ANAPC10: variants seen among roughly 807,000 people sequenced by gnomAD.
ANAPC10 encodes anaphase promoting complex subunit 10.
Under a neutral mutation model 22.0 loss-of-function variants are expected in ANAPC10, and 12 were observed. That is an observed-to-expected ratio of 0.55 (90% CI 0.35 to 0.88). The LOEUF (loss-of-function observed/expected upper bound fraction) is 0.88. ANAPC10 is among the 40% of genes least tolerant of loss of function. The pLI is 0.01. For synonymous variants in ANAPC10, 65 were observed against 69.5 expected, an observed-to-expected ratio of 0.94 and a Z score of 0.32; for missense variants, 188 against 220.9, an observed-to-expected ratio of 0.85 and a Z score of 0.94.
At chr4:145,023,204 C>T (rs950418172) in intron 4 of ANAPC10, among the ~76,000 whole-genome samples, 4 of 151,890 alleles carry the variant, frequency 2.6e-5, no homozygotes, top group African/African-American at 9.7e-5. Context: ...AATATGATTC[C>T]ATCTATGCAA....
chr4:145,044,689 T>C (rs1035094990), intron 4 of ANAPC10, among the ~76,000 whole-genome samples: 63 of 152,242 alleles, frequency 4.1e-4, no homozygotes, highest in African/African-American at 1.4e-3. Flanking sequence ...TGGTGGATCA[T>C]TCAAGTGGTA....
At chr4:145,077,070 G>A (rs1389240547) in intron 3 of ANAPC10, among the ~76,000 whole-genome samples, 1 of 152,144 alleles carries the variant, frequency 6.6e-6, no homozygotes. Flanking sequence ...GTGGTGGCAG[G>A]CACCTGTAGT....
intron 4 of ANAPC10, among the ~76,000 whole-genome samples, chr4:145,023,016 A>G (rs1736180961): frequency 6.6e-6 from 1 of 152,114 alleles, no homozygotes; most frequent in African/African-American, 2.4e-5. Flanking sequence ...AATGCTAGTT[A>G]TAACAGCCAG....
chr4:145,025,343 C>T (rs78163486), intron 4 of ANAPC10, among the ~76,000 whole-genome samples: 6 of 138,764 alleles, frequency 4.3e-5, no homozygotes, highest in South Asian at 2.6e-4. Flanking sequence ...CCCCCCCCCC[C>T]TTTTAAGCTC....
At chr4:145,083,123 G>A (rs1280296155) in intron 2 of ANAPC10, among the ~76,000 whole-genome samples, 4 of 151,842 alleles carry the variant, frequency 2.6e-5, no homozygotes, top group Non-Finnish European at 2.9e-5. Context: ...TTTACCATAC[G>A]AATATTTATT....
chr4:145,044,368 T>A (rs1326191427), intron 4 of ANAPC10, among the ~76,000 whole-genome samples: 1 of 152,108 alleles, frequency 6.6e-6, no homozygotes, highest in Non-Finnish European at 1.5e-5. Flanking sequence ...TTTTAGAGAT[T>A]CAAGAAGGTT....
Position 145,089,559 on chromosome 4 carries a change from G to A in ANAPC10, c.115+6426C>T, listed in dbSNP as rs118122988. Among the ~76,000 whole-genome samples, 18 of 152,252 alleles carry A rather than the reference G, an allele frequency of 1.2e-4. No individual in the cohort carries two copies. In the East Asian group the frequency reaches 3.5e-3, roughly 29 times the overall value. On this transcript the variant is annotated intron_variant, in intron 2 of 4. Coordinates refer to ENST00000507656, the MANE Select transcript of ANAPC10 (RefSeq NM_001256706.2). ...TTTTGTTTTTCCAGTCTCTTAGGTA[G>A]AGACTAACAATTGTGCTGAATTGTA...
intron 2 of ANAPC10, among the ~76,000 whole-genome samples, chr4:145,082,823 GA>G: frequency 6.6e-6 from 1 of 152,192 alleles, no homozygotes; most frequent in East Asian, 1.9e-4. Flanking sequence ...TTTAATAAGA[GA>G]AATAAGTTTA....
chr4:145,037,946 C>CA (rs36071811), intron 4 of ANAPC10, among the ~76,000 whole-genome samples: 22,823 of 71,432 alleles, frequency 0.32, 3,007 homozygotes, highest in East Asian at 0.56. Flanking sequence ...AACCCTGTCT[C>CA]AAAAAAAAAA....
chr4:145,025,067 T>C (rs1736462997), intron 4 of ANAPC10, among the ~76,000 whole-genome samples: 1 of 152,208 alleles, frequency 6.6e-6, no homozygotes, highest in Non-Finnish European at 1.5e-5. Flanking sequence ...CTCTGCTAGC[T>C]TCAAACTCTC....
intron 2 of ANAPC10, 52 bp from the exon 3 acceptor site, chr4:145,081,802 C>A (rs989771045): frequency 2.5e-6 from 3 of 1,198,282 alleles, no homozygotes; most frequent in African/African-American, 3.0e-5. Context: ...AACAACTATA[C>A]ATGCAAAACA....
intron 4 of ANAPC10, among the ~76,000 whole-genome samples, chr4:145,054,848 G>A (rs764921179): frequency 1.6e-4 from 25 of 151,744 alleles, no homozygotes; most frequent in Admixed American, 1.0e-3. Context: ...ATCTACCCTC[G>A]CATCTATTTT....
intron 4 of ANAPC10, among the ~76,000 whole-genome samples, chr4:145,040,257 C>A (rs1314027968): frequency 6.6e-6 from 1 of 152,052 alleles, no homozygotes; most frequent in African/African-American, 2.4e-5. Context: ...TCAAACGATT[C>A]TCCTGCCTCA....
At chr4:145,060,850 C>T (rs78694946) in intron 4 of ANAPC10, among the ~76,000 whole-genome samples, 70 of 152,090 alleles carry the variant, frequency 4.6e-4, no homozygotes, top group African/African-American at 1.7e-3. Context: ...TCATGATCTG[C>T]TTCATCTTTC....
At position 145,031,972 on chromosome 4, in the gene ANAPC10, G is replaced by A. The variant is rs531920814; in HGVS notation, c.327+32600C>T. Among the ~76,000 whole-genome samples, 4 of 152,280 alleles carry A rather than the reference G, an allele frequency of 2.6e-5. No individual in the cohort carries two copies. In the South Asian group the frequency reaches 8.3e-4, roughly 32 times the overall value. On this transcript the variant is annotated intron_variant, in intron 4 of 4. Coordinates refer to ENST00000507656, the MANE Select transcript of ANAPC10 (RefSeq NM_001256706.2). ...AGCATTCCATTATCAAATGGAAGTG[G>A]TATATACGTGATCAGGCTCGAGCAG...
chr4:145,043,119 T>C (rs35416645), intron 4 of ANAPC10, among the ~76,000 whole-genome samples: 2 of 151,738 alleles, frequency 1.3e-5, no homozygotes, highest in Admixed American at 6.6e-5. Context: ...TTGCTAAAAA[T>C]GCACTAGCTG....
Position 144,995,106 on chromosome 4 carries a change from G to T in ANAPC10, c.*267C>A. On this transcript the variant is annotated 3_prime_UTR_variant, in exon 5 of 5. Coordinates refer to ENST00000507656, the MANE Select transcript of ANAPC10 (RefSeq NM_001256706.2). ...TTCAACTCTTTTCTTTTGATACAAGGAACTCTTTTCTTTTGATACAAGGGA... is the reference window on the plus strand; with the variant it reads ...TTCAACTCTTTTCTTTTGATACAAGTAACTCTTTTCTTTTGATACAAGGGA... The T allele has an allele frequency of 4.2e-6, 1 of 237,728 alleles. No individual in the cohort carries two copies. The highest frequency in any genetic ancestry group is 8.1e-6 in the Non-Finnish European group (1 of 123,280). 14.7% of individuals were successfully genotyped at this position (237,728 alleles called of 1,614,324 possible).
At chr4:145,063,999 C>T (rs1743296051) in intron 4 of ANAPC10, 2 of 151,930 alleles carry the variant, frequency 1.3e-5, no homozygotes, top group South Asian at 2.1e-4. Flanking sequence ...GACTGAACTG[C>T]GAACAGATAT....
intron 4 of ANAPC10, among the ~76,000 whole-genome samples, chr4:145,008,606 T>A (rs1733796319): frequency 6.6e-6 from 1 of 150,454 alleles, no homozygotes; most frequent in African/African-American, 2.4e-5. Context: ...TCTCAATAGA[T>A]GCAGAAAAGG....
Sources: allele counts gnomAD v4.1 joint callset (sites outside exome capture counted in the v4.1 genomes callset), GRCh38; gene constraint gnomAD v4.1.1; transcripts MANE v1.5; gene names NCBI Gene and HGNC (gene_info 2026-07-23, HGNC 2026-07-21).